The following GRN variants were observed in gnomAD, a reference collection of about 807,000 sequenced individuals.
GRN encodes progranulin.
GRN carries 30 observed loss-of-function variants against 66.7 expected under a neutral mutation model. The observed-to-expected ratio is 0.45, with a 90% CI of 0.34 to 0.61. The LOEUF (loss-of-function observed/expected upper bound fraction) is 0.61. Among genes scored for constraint, GRN ranks in the 20% least tolerant of loss-of-function variants. The pLI, the probability that GRN is intolerant of heterozygous loss-of-function variation, is 0.01. For missense variants in GRN, 731 were observed against 803.5 expected, an observed-to-expected ratio of 0.91 and a Z score of 1.09; for synonymous variants, 327 against 311.1, an observed-to-expected ratio of 1.05 and a Z score of -0.54.
At chr17:44,350,945 G>A (rs1045338022) in intron 7 of GRN, 92 bp from the exon 8 acceptor site, 7 of 1,485,130 alleles carry the variant, frequency 4.7e-6, no homozygotes, top group South Asian at 1.1e-5. Flanking sequence ...CCCCCTAGTG[G>A]GGGATTGGGG....
Position 44,353,058 on chromosome 17 carries a change from TTGTG to T in GRN, c.*267_*270del. 1 of 590,500 alleles carries T rather than the reference TTGTG, an allele frequency of 1.7e-6. No homozygotes were observed. The highest frequency in any genetic ancestry group is 3.0e-6 in the Non-Finnish European group (1 of 330,226). 36.6% of individuals were successfully genotyped at this position (590,500 alleles called of 1,614,324 possible). On this transcript the variant is annotated 3_prime_UTR_variant, in exon 13 of 13. Transcript: ENST00000053867. ...TGCTTTTCCCTATCCACAGGGGTGT[TTGTG>T]TGTGTGCGCGTGTGCGTTTCAATAA... is the stretch of plus-strand genomic sequence containing the variant.
chr17:44,349,055 TCCTGGGCCAGGACCTTGG>T (rs2048346213), intron 1 of GRN, 85 bp from the exon 2 acceptor site: 12 of 1,300,172 alleles, frequency 9.2e-6, no homozygotes, highest in Middle Eastern at 4.0e-4. Flanking sequence ...GCTCAGGCAG[TCCTGGGCCAGGACCTTGG>T]CCTGGGGCTA....
rs914592446 is a variant in GRN at position 44,352,957 on chromosome 17, G to A, written c.*159G>A. 1.4e-6 allele frequency: 1 copy of A among 717,540 alleles called. No individual in the cohort carries two copies. Among genetic ancestry groups the A allele is most frequent in the Non-Finnish European group, 2.4e-6 (1 of 419,030 alleles). The allele number at this position is 717,540 out of a possible 1,614,324, so 44.4% of individuals were successfully genotyped here. ...GGGGCCTCAATCTAAGGCCTTCCCT[G>A]TCAGAAGGGGGTTGTGGCAAAAGCC... On this transcript the variant is annotated 3_prime_UTR_variant, in exon 13 of 13. Coordinates refer to ENST00000053867, the MANE Select transcript of GRN (RefSeq NM_002087.4).
intron 1 of GRN, chr17:44,346,125 C>G (rs987024222): frequency 1.3e-5 from 2 of 153,310 alleles, no homozygotes; most frequent in African/African-American, 4.8e-5. Context: ...GGTAATTCAC[C>G]AGGGAGCCGA....
chr17:44,351,072 C>G lies in GRN; in HGVS notation c.744C>G (p.Pro248=), dbSNP rs1274686022. 3.1e-6 allele frequency: 5 copies of G among 1,614,070 alleles called. No individual in the cohort carries two copies. The Admixed American group carries it at 8.3e-5, about 27-fold the overall frequency. The stretch of plus-strand genomic sequence containing the variant: ...GCTCCGATCACCTGCACTGCTGCCC[C>G]CAAGACACTGTGTGTGACCTGATCC... ...TCCSDHLHCC[P]QDTVCDLIQS... is the part of the protein sequence containing the mutation. Residue 248 remains proline, a synonymous_variant, in exon 8 of 13, where the codon CCC becomes CCG. Transcript: ENST00000053867.
intron 10 of GRN, 54 bp from the exon 11 acceptor site, chr17:44,351,961 C>T: frequency 6.7e-7 from 1 of 1,487,698 alleles, no homozygotes; most frequent in Non-Finnish European, 9.3e-7. Context: ...AGGGGCTCGG[C>T]ACTGCGCCCC....
At position 44,350,522 on chromosome 17, in the gene GRN, C is replaced by T. The variant is rs1448831427; in HGVS notation, c.543C>T (p.Pro181=). ...TGGTTCACACCCGCTGCATCACACC[C>T]ACGGGCACCCACCCCCTGGCAAAGA... ...CDLVHTRCIT[P]TGTHPLAKKL... is the part of the protein sequence containing the mutation. The change falls in exon 6 of 13, where the codon CCC becomes CCT. Residue 181 remains proline (P), a synonymous_variant. Transcript: ENST00000053867. 5.0e-6 allele frequency: 8 copies of T among 1,613,874 alleles called. No individual in the cohort carries two copies. Among genetic ancestry groups the T allele is most frequent in the Non-Finnish European group, 5.9e-6 (7 of 1,179,954 alleles).
At position 44,350,741 on chromosome 17, in the gene GRN, G is replaced by T; in HGVS notation, c.649G>T (p.Asp217Tyr). 1 of 1,614,098 alleles carries T rather than the reference G, an allele frequency of 6.2e-7. No individual in the cohort carries two copies. Residue 217 changes from aspartate to tyrosine, a missense_variant, in exon 7 of 13, where the codon GAT becomes TAT. Asp to Tyr is a radical substitution (Grantham distance 160). Coordinates refer to ENST00000053867, the MANE Select transcript of GRN (RefSeq NM_002087.4). Reference sequence around the variant, plus strand: ...TCCGGACGCACGGTCCCGGTGCCCTGATGGTTCTACCTGCTGTGAGCTGCC... The same window carrying T: ...TCCGGACGCACGGTCCCGGTGCCCTTATGGTTCTACCTGCTGTGAGCTGCC... ...MCPDARSRCP[D>Y]GSTCCELPSG...
At chr17:44,347,437 C>G (rs980392827) in intron 1 of GRN, among the ~76,000 whole-genome samples, 2 of 151,812 alleles carry the variant, frequency 1.3e-5, no homozygotes, top group African/African-American at 4.8e-5. Context: ...TGCAGGTGTG[C>G]GCTACCACGC....
At chr17:44,350,908 A>AG (rs1289673950) in intron 7 of GRN, 108 bp downstream of exon 7, 13 of 1,406,246 alleles carry the variant, frequency 9.2e-6, no homozygotes, top group Admixed American at 3.4e-5. Flanking sequence ...GCTTGCTGGG[A>AG]GCCTGGCTGA....
In GRN at chr17:44,352,854, G is replaced by C. The variant is rs1598366645; in HGVS notation, c.*56G>C. 6.4e-7 allele frequency: 1 copy of C among 1,564,852 alleles called. No homozygotes were observed. Among genetic ancestry groups the C allele is most frequent in the East Asian group, 2.2e-5 (1 of 44,532 alleles). On this transcript the variant is annotated 3_prime_UTR_variant, in exon 13 of 13. Coordinates refer to ENST00000053867, the MANE Select transcript of GRN (RefSeq NM_002087.4). ...GGACCCCACTCGGAGGGTGCCCTCT[G>C]CTCAGGCCTCCCTAGCACCTCCCCC... is the stretch of plus-strand genomic sequence containing the variant.
chr17:44,350,486 C>A lies in GRN; in HGVS notation c.507C>A (p.Ala169=). 1 of 1,613,960 alleles carries A rather than the reference C, an allele frequency of 6.2e-7. No individual in the cohort carries two copies. The highest frequency in any genetic ancestry group is 8.5e-7 in the Non-Finnish European group (1 of 1,179,954). Residue 169 remains alanine, a synonymous_variant, in exon 6 of 13, where the codon GCC becomes GCA. Coordinates refer to ENST00000053867, the MANE Select transcript of GRN (RefSeq NM_002087.4). ...EDRVHCCPHG[A]FCDLVHTRCI... ...GGGTGCACTGCTGTCCGCACGGTGC[C>A]TTCTGCGACCTGGTTCACACCCGCT...
At chr17:44,349,078 G>C (rs2048346431) in intron 1 of GRN, 80 bp from the exon 2 acceptor site, 1 of 1,489,052 alleles carries the variant, frequency 6.7e-7, no homozygotes, top group Non-Finnish European at 9.3e-7. Context: ...CCTTGGCCTG[G>C]GGCTAGGGTA....
At chr17:44,349,966 G>C in intron 4 of GRN, 1 of 638,652 alleles carries the variant, frequency 1.6e-6, no homozygotes, top group Non-Finnish European at 2.8e-6. Context: ...CAGGCGTTGT[G>C]GGGGTGGGGA....
At chr17:44,348,952 T>G (rs1357448841) in intron 1 of GRN, among the ~76,000 whole-genome samples, 1 of 152,370 alleles carries the variant, frequency 6.6e-6, no homozygotes, top group East Asian at 1.9e-4. Flanking sequence ...GGTCCGCACA[T>G]GCTGGGGCAA....
chr17:44,352,343 T>C lies in GRN; in HGVS notation c.1416T>C (p.Ala472=), dbSNP rs1413702264. The C allele has an allele frequency of 6.2e-7, 1 of 1,612,842 alleles. No homozygotes were observed. The highest frequency in any genetic ancestry group is 1.7e-5 in the Admixed American group (1 of 60,016). Residue 472 remains alanine (A), a splice_region_variant and synonymous_variant, in exon 12 of 13, where the codon GCT becomes GCC. Coordinates refer to ENST00000053867, the MANE Select transcript of GRN (RefSeq NM_002087.4). ...GSWACCQLPH[A]VCCEDRQHCC... is the part of the protein sequence containing the mutation. ...TTCTGTGCTCCCTTCCCCGCCAGGC[T>C]GTGTGCTGCGAGGATCGCCAGCACT...
rs201390599 is a variant in GRN at position 44,349,785 on chromosome 17, C to T, written c.349+34C>T. On this transcript the variant is annotated intron_variant, in intron 4 of 12. Coordinates refer to ENST00000053867, the MANE Select transcript of GRN (RefSeq NM_002087.4). The stretch of plus-strand genomic sequence containing the variant: ...GGGGTGTGGGTGCAGGGCAGGCAGA[C>T]GGGCAGCATGTGGAGTCTGGAACCC... 1.5e-4 allele frequency: 216 copies of T among 1,427,966 alleles called. 1 individual carries two copies. The East Asian group carries it at 1.8e-3, about 12-fold the overall frequency. The allele number at this position is 1,427,966 out of a possible 1,614,324, so 88.5% of individuals were successfully genotyped here.
intron 1 of GRN, among the ~76,000 whole-genome samples, chr17:44,346,477 C>G (rs1253090935): frequency 6.6e-6 from 1 of 152,206 alleles, no homozygotes; most frequent in Non-Finnish European, 1.5e-5. Context: ...AGCAACTTCT[C>G]AGGCCCTCAC....
At position 44,352,084 on chromosome 17, in the gene GRN, C is replaced by T; in HGVS notation, c.1249C>T (p.Gln417Ter). The part of the protein sequence containing the change: ...GYTCVAEGQC[Q>*]RGSEIVAGLE... ...CACGTGTGTAGCTGAGGGGCAGTGT[C>T]AGCGAGGAAGCGAGATCGTGGCTGG... is the stretch of plus-strand genomic sequence containing the variant. Residue 417 changes from glutamine to a stop codon, truncating the protein, a stop_gained, in exon 11 of 13, where the codon CAG (glutamine) becomes TAG (stop). Transcript: ENST00000053867. LOFTEE classifies it high-confidence loss of function. 6.2e-7 allele frequency: 1 copy of T among 1,613,694 alleles called. No homozygotes were observed.
Sources: allele counts gnomAD v4.1 joint callset (sites outside exome capture counted in the v4.1 genomes callset), GRCh38; gene constraint gnomAD v4.1.1; transcripts MANE v1.5; gene names NCBI Gene and HGNC (gene_info 2026-07-23, HGNC 2026-07-21).